The following GRID2 variants were observed in gnomAD, a reference collection of about 807,000 sequenced individuals.
GRID2 encodes the protein glutamate receptor ionotropic, delta-2.
In GRID2, 33 loss-of-function variants were observed where a neutral mutation model predicts 114.8. The ratio of observed to expected loss-of-function variants is 0.29; its 90% CI spans 0.22 to 0.38. The LOEUF is 0.38. Ranked by LOEUF, GRID2 falls within the 10% of genes least tolerant of loss-of-function variation. The probability of loss-of-function intolerance (pLI) is 1.00; values close to 1 mark genes in which losing one functional copy is unlikely to be tolerated. For missense variants in GRID2, 1,184 were observed against 1,257.7 expected (o/e 0.94, Z 0.89); for synonymous variants, 505 against 449.9 (o/e 1.12, Z -1.55).
chr4:93,240,090 A>C lies in GRID2; in HGVS notation c.1245+1600A>C, dbSNP rs1294812791. On this transcript the variant is annotated intron_variant, in intron 8 of 15. Transcript: ENST00000282020. ...ACTGCTATAAGCTGCTGTTACAAAA[A>C]TTCTTGGATATACATCTTGGATACT... Among the ~76,000 whole-genome samples, 4 of 151,748 alleles carry C rather than the reference A, an allele frequency of 2.6e-5. No individual in the cohort carries two copies. In the South Asian group the frequency reaches 6.2e-4, roughly 24 times the overall value.
rs1056458361 is a variant in GRID2 at position 93,317,325 on chromosome 4, T to A, written c.1246-78282T>A. Reference sequence around the variant, plus strand: ...AGATTCTCTTCCATTCTCCTCAGGTTTTTTTTTTTTCCTTGAAATGCTTTT... The same window carrying A: ...AGATTCTCTTCCATTCTCCTCAGGTATTTTTTTTTTCCTTGAAATGCTTTT... On this transcript the variant is annotated intron_variant, in intron 8 of 15. Transcript: ENST00000282020. Among the ~76,000 whole-genome samples the A allele has an allele frequency of 1.4e-3, 3 of 2,222 alleles. No homozygotes were observed. The African/African-American group carries it at 0.044, about 33-fold the overall frequency. The allele number at this position is 2,222 out of a possible 152,430, so 1.5% of individuals were successfully genotyped here.
intron 14 of GRID2, among the ~76,000 whole-genome samples, chr4:93,627,242 A>G (rs1353718922): frequency 1.3e-5 from 2 of 152,154 alleles, no homozygotes; most frequent in Non-Finnish European, 2.9e-5. Flanking sequence ...TCTTCTACCT[A>G]TTCTCTAGAA....
At chr4:93,207,717 A>G (rs1205121280) in intron 5 of GRID2, among the ~76,000 whole-genome samples, 1 of 151,954 alleles carries the variant, frequency 6.6e-6, no homozygotes, top group Non-Finnish European at 1.5e-5. Context: ...CTGCCTGCTC[A>G]AGGAGATCAT....
At chr4:92,475,878 ACCT>A (rs1722285153) in intron 1 of GRID2, among the ~76,000 whole-genome samples, 1 of 151,418 alleles carries the variant, frequency 6.6e-6, no homozygotes, top group Non-Finnish European at 1.5e-5. Context: ...CAGATCTTTT[ACCT>A]CCTTAGTTAA....
At chr4:92,713,482 T>C (rs866896546) in intron 2 of GRID2, among the ~76,000 whole-genome samples, 966 of 81,328 alleles carry the variant, frequency 0.012, 3 homozygotes, top group Middle Eastern at 0.029. Context: ...TATACATATA[T>C]ATATATATAT....
chr4:92,748,631 T>TTTATTA (rs1560570179), intron 2 of GRID2, among the ~76,000 whole-genome samples: 159 of 125,298 alleles, frequency 1.3e-3, no homozygotes, highest in African/African-American at 4.7e-3. Flanking sequence ...TTAATTAAAT[T>TTTATTA]GTATTATTAT....
At chr4:93,715,517 T>G (rs959720381) in intron 14 of GRID2, among the ~76,000 whole-genome samples, 2 of 152,232 alleles carry the variant, frequency 1.3e-5, no homozygotes, top group Non-Finnish European at 2.9e-5. Flanking sequence ...AAAATTGCTT[T>G]GGGCAGTGTG....
At chr4:92,675,697 T>A (rs1169674240) in intron 2 of GRID2, among the ~76,000 whole-genome samples, 1 of 151,384 alleles carries the variant, frequency 6.6e-6, no homozygotes, top group Non-Finnish European at 1.5e-5. Context: ...ACTACAGGGG[T>A]CCGCCACGAC....
At chr4:92,824,313 C>G (rs1741527110) in intron 2 of GRID2, among the ~76,000 whole-genome samples, 1 of 151,892 alleles carries the variant, frequency 6.6e-6, no homozygotes, top group Non-Finnish European at 1.5e-5. Context: ...TTTTTATTAT[C>G]TCCAAATGTT....
At chr4:92,422,990 T>G (rs780548223) in intron 1 of GRID2, among the ~76,000 whole-genome samples, 8 of 152,116 alleles carry the variant, frequency 5.3e-5, no homozygotes, top group Non-Finnish European at 8.8e-5. Flanking sequence ...CAGTCATAAT[T>G]TTGCAAAGGC....
intron 13 of GRID2, among the ~76,000 whole-genome samples, chr4:93,517,364 G>A (rs1447008306): frequency 1.3e-5 from 2 of 152,018 alleles, no homozygotes; most frequent in Admixed American, 1.3e-4. Flanking sequence ...TGTTGATAAG[G>A]AGGGCTAATG....
intron 2 of GRID2, chr4:92,885,190 T>C (rs1746292452): frequency 4.7e-6 from 1 of 214,494 alleles, no homozygotes; most frequent in Non-Finnish European, 9.4e-6. Context: ...ATAGAACTAA[T>C]GGAGTACAAC....
chr4:93,198,159 T>G (rs777080170), intron 4 of GRID2, among the ~76,000 whole-genome samples: 3 of 152,154 alleles, frequency 2.0e-5, no homozygotes, highest in Non-Finnish European at 4.4e-5. Context: ...AACCCTACTA[T>G]GTGTCACTCA....
chr4:92,445,446 C>T (rs1387563327), intron 1 of GRID2, among the ~76,000 whole-genome samples: 1 of 152,092 alleles, frequency 6.6e-6, no homozygotes, highest in Non-Finnish European at 1.5e-5. Flanking sequence ...CTTTTTCAGC[C>T]ATGGAGATAT....
intron 8 of GRID2, among the ~76,000 whole-genome samples, chr4:93,379,787 C>T (rs532492955): frequency 2.9e-4 from 44 of 152,108 alleles, no homozygotes; most frequent in Non-Finnish European, 5.1e-4. Context: ...CAGTGAGATA[C>T]TTATTTGAGA....
At chr4:93,095,073 A>G (rs992377658) in intron 3 of GRID2, among the ~76,000 whole-genome samples, 3 of 152,038 alleles carry the variant, frequency 2.0e-5, no homozygotes, top group African/African-American at 7.2e-5. Context: ...CAAAGTCTAA[A>G]ATTATTAATT....
chr4:92,637,902 C>G (rs901789429), intron 2 of GRID2, among the ~76,000 whole-genome samples: 3 of 151,996 alleles, frequency 2.0e-5, no homozygotes, highest in East Asian at 3.9e-4. Context: ...TCATTCTATT[C>G]CAGCTAGGGT....
At chr4:93,761,835 A>G (rs1425955549) in intron 14 of GRID2, among the ~76,000 whole-genome samples, 4 of 152,214 alleles carry the variant, frequency 2.6e-5, no homozygotes, top group Non-Finnish European at 5.9e-5. Context: ...TCACTAAGAG[A>G]TTTTGCTTAA....
At chr4:92,946,623 C>G (rs1407099148) in intron 2 of GRID2, among the ~76,000 whole-genome samples, 1 of 152,046 alleles carries the variant, frequency 6.6e-6, no homozygotes, top group East Asian at 1.9e-4. Flanking sequence ...TTGGCTTTAG[C>G]TGATTATATC....
Sources: allele counts gnomAD v4.1 joint callset (sites outside exome capture counted in the v4.1 genomes callset), GRCh38; gene constraint gnomAD v4.1.1; transcripts MANE v1.5; gene names NCBI Gene and HGNC (gene_info 2026-07-23, HGNC 2026-07-21).